PDE11A: variants seen among roughly 807,000 people sequenced by gnomAD.
PDE11A encodes dual 3',5'-cyclic-AMP and -GMP phosphodiesterase 11A.
PDE11A carries 100 observed loss-of-function variants against 100.5 expected under a neutral mutation model. The ratio of observed to expected loss-of-function variants is 1.00; its 90% CI spans 0.85 to 1.18. PDE11A has a LOEUF of 1.18. Ranked by LOEUF, PDE11A falls within the 50% of genes most tolerant of loss-of-function variation. PDE11A has a pLI of 0.00. For synonymous variants in PDE11A, 381 were observed against 420.8 expected, an observed-to-expected ratio of 0.91 and a Z score of 1.16; for missense variants, 1,141 against 1,152.6, an observed-to-expected ratio of 0.99 and a Z score of 0.15.
chr2:178,026,829 T>C (rs965419760), intron 1 of PDE11A, among the ~76,000 whole-genome samples: 1 of 152,096 alleles, frequency 6.6e-6, no homozygotes, highest in Admixed American at 6.6e-5. Context: ...AATTATGGAT[T>C]ATTCAACTAG....
At chr2:177,830,838 TATAA>T (rs982934040) in intron 6 of PDE11A, among the ~76,000 whole-genome samples, 1 of 151,942 alleles carries the variant, frequency 6.6e-6, no homozygotes, top group Non-Finnish European at 1.5e-5. Flanking sequence ...CTTGTACTAC[TATAA>T]ATAAATATAA....
At chr2:177,817,727 T>G in intron 8 of PDE11A, 131 bp downstream of exon 8, 1 of 642,692 alleles carries the variant, frequency 1.6e-6, no homozygotes, top group South Asian at 1.7e-5. Flanking sequence ...TCCTTAAATC[T>G]TCCTGTTAAT....
At chr2:178,022,556 C>A (rs940741727) in intron 1 of PDE11A, among the ~76,000 whole-genome samples, 10 of 151,898 alleles carry the variant, frequency 6.6e-5, no homozygotes, top group African/African-American at 2.4e-4. Flanking sequence ...GGAATTTTGC[C>A]TAACAGCTTT....
At chr2:178,065,293 G>T (rs995391111) in intron 1 of PDE11A, among the ~76,000 whole-genome samples, 1 of 152,166 alleles carries the variant, frequency 6.6e-6, no homozygotes. Context: ...AAGTTTGTAT[G>T]ACTCTTCAAC....
intron 15 of PDE11A, among the ~76,000 whole-genome samples, chr2:177,694,930 GCT>G (rs141360977): frequency 0.017 from 2,657 of 151,836 alleles, 75 homozygotes; most frequent in African/African-American, 0.06. Flanking sequence ...CAATATCTTA[GCT>G]CTCTGAGAAT....
intron 2 of PDE11A, among the ~76,000 whole-genome samples, chr2:177,966,073 T>A (rs764463899): frequency 2.6e-5 from 4 of 152,182 alleles, no homozygotes; most frequent in Non-Finnish European, 4.4e-5. Flanking sequence ...ATCTTTTACC[T>A]CCCTAGACAG....
intron 10 of PDE11A, among the ~76,000 whole-genome samples, chr2:177,767,830 A>T (rs118019537): frequency 0.014 from 2,152 of 152,256 alleles, 42 homozygotes; most frequent in East Asian, 0.046. Context: ...CCAAGGACCA[A>T]AAAAGGCAGG....
intron 2 of PDE11A, chr2:177,998,015 C>A: frequency 8.1e-7 from 1 of 1,238,908 alleles, no homozygotes; most frequent in Admixed American, 1.7e-5. Context: ...GTGGAATGGA[C>A]AGTTTTAGAG....
chr2:178,064,881 G>C (rs1260782166), intron 1 of PDE11A, among the ~76,000 whole-genome samples: 1 of 151,154 alleles, frequency 6.6e-6, no homozygotes, highest in African/African-American at 2.4e-5. Context: ...TTTTTCTCCT[G>C]AATTTGCGAC....
intron 1 of PDE11A, among the ~76,000 whole-genome samples, chr2:178,049,423 G>A (rs1333795293): frequency 6.6e-6 from 1 of 152,206 alleles, no homozygotes; most frequent in Admixed American, 6.5e-5. Context: ...CCCAGCATGA[G>A]TGACGCAGAG....
chr2:177,711,029 G>T (rs1444919042), intron 13 of PDE11A, among the ~76,000 whole-genome samples: 2 of 152,202 alleles, frequency 1.3e-5, no homozygotes, highest in Non-Finnish European at 2.9e-5. Flanking sequence ...AACATTAACG[G>T]CAGACTCTCA....
chr2:177,941,087 C>A (rs1220227892), intron 2 of PDE11A, among the ~76,000 whole-genome samples: 1 of 152,178 alleles, frequency 6.6e-6, no homozygotes, highest in Non-Finnish European at 1.5e-5. Flanking sequence ...AGCTTTCCTG[C>A]CAGCACTCGT....
At chr2:178,066,366 T>C (rs986979217) in intron 1 of PDE11A, among the ~76,000 whole-genome samples, 1 of 152,200 alleles carries the variant, frequency 6.6e-6, no homozygotes, top group Non-Finnish European at 1.5e-5. Flanking sequence ...TGAGGTTTAA[T>C]GCTATGCTGT....
intron 2 of PDE11A, among the ~76,000 whole-genome samples, chr2:178,003,838 T>C (rs906831672): frequency 6.6e-6 from 1 of 152,174 alleles, no homozygotes; most frequent in Non-Finnish European, 1.5e-5. Flanking sequence ...TTTTGACCTA[T>C]AGAACAGCAA....
At chr2:177,692,771 T>A (rs1426141826) in intron 15 of PDE11A, among the ~76,000 whole-genome samples, 1 of 152,242 alleles carries the variant, frequency 6.6e-6, no homozygotes, top group Non-Finnish European at 1.5e-5. Context: ...TCTGCTTTCA[T>A]ATGCCATTTG....
At chr2:177,746,353 G>C (rs1431484610) in intron 10 of PDE11A, among the ~76,000 whole-genome samples, 1 of 152,076 alleles carries the variant, frequency 6.6e-6, no homozygotes, top group Non-Finnish European at 1.5e-5. Context: ...GGATAGATCT[G>C]GGAGGAAACG....
chr2:177,781,107 C>A (rs1016425154), intron 9 of PDE11A, among the ~76,000 whole-genome samples: 2 of 152,182 alleles, frequency 1.3e-5, no homozygotes, highest in Non-Finnish European at 2.9e-5. Context: ...CTCTTCCTTT[C>A]ACTGGAACAC....
chr2:177,657,695 TGA>T (rs1466988677), intron 19 of PDE11A, among the ~76,000 whole-genome samples: 3 of 145,740 alleles, frequency 2.1e-5, no homozygotes, highest in African/African-American at 7.6e-5. Flanking sequence ...AAGAGGCGGG[TGA>T]GAGAGAGGGA....
At chr2:177,861,349 AC>A (rs1244973888) in intron 5 of PDE11A, among the ~76,000 whole-genome samples, 5 of 151,992 alleles carry the variant, frequency 3.3e-5, no homozygotes, top group East Asian at 3.9e-4. Context: ...AAAGAAAAAA[AC>A]AGGAATAAAT....
Sources: gnomAD v4.1 joint callset for allele counts (sites outside exome capture counted in the v4.1 genomes callset) on GRCh38, gnomAD v4.1.1 for gene constraint, MANE v1.5 for transcripts, NCBI Gene and HGNC (gene_info 2026-07-23, HGNC 2026-07-21) for gene names.